Variants in TENM2 observed in about 807,000 individuals in gnomAD.
TENM2 encodes the protein teneurin-2.
Under a neutral mutation model 245.2 loss-of-function variants are expected in TENM2, and 52 were observed. The observed-to-expected ratio is 0.21, with a 90% CI of 0.17 to 0.27. The LOEUF (loss-of-function observed/expected upper bound fraction) is 0.27. Ranked by LOEUF, TENM2 falls within the 10% of genes least tolerant of loss-of-function variation. The pLI, the probability that TENM2 is intolerant of heterozygous loss-of-function variation, is 1.00. For missense variants in TENM2, 3,046 were observed against 3,666.8 expected (o/e 0.83, Z 4.37); for synonymous variants, 1,363 against 1,438.9 (o/e 0.95, Z 1.19).
the TENM2 span, among the ~76,000 whole-genome samples, chr5:167,238,839 A>G: frequency 6.6e-6 from 1 of 152,156 alleles, no homozygotes; most frequent in Non-Finnish European, 1.5e-5. Flanking sequence ...GATGTTCTTG[A>G]TCATAGATTA....
the TENM2 span, among the ~76,000 whole-genome samples, chr5:167,098,394 A>AGAC: frequency 6.6e-6 from 1 of 152,196 alleles, no homozygotes; most frequent in Non-Finnish European, 1.5e-5. Context: ...AGCAAGTCTT[A>AGAC]GACCCGTTTT....
Position 167,559,899 on chromosome 5 carries a change from G to A in TENM2, c.502+184426G>A, listed in dbSNP as rs1582388589. On this transcript the variant is annotated intron_variant, in intron 2 of 28. Coordinates refer to ENST00000518659, the Ensembl canonical transcript of TENM2. ...TGTTTAGCTGTATATGTGGGTGGTCGACAAATGCAGGCACTCCACATTTGC... is the reference window on the plus strand; with the variant it reads ...TGTTTAGCTGTATATGTGGGTGGTCAACAAATGCAGGCACTCCACATTTGC... 2.6e-5 allele frequency among the ~76,000 whole-genome samples: 4 copies of A among 152,062 alleles called. No homozygotes were observed. The South Asian group carries it at 8.3e-4, about 32-fold the overall frequency.
the TENM2 span, among the ~76,000 whole-genome samples, chr5:167,033,298 A>G: frequency 6.6e-6 from 1 of 152,234 alleles, no homozygotes; most frequent in Non-Finnish European, 1.5e-5. Context: ...CATCAATAAA[A>G]CTGAACTAAT....
intron 2 of TENM2, among the ~76,000 whole-genome samples, chr5:167,857,298 T>C (rs1401658605): frequency 6.6e-6 from 1 of 152,194 alleles, no homozygotes; most frequent in Non-Finnish European, 1.5e-5. Context: ...TAAATGTCCA[T>C]TCTGTTTTTC....
chr5:167,940,984 A>C (rs1183060233), intron 3 of TENM2, among the ~76,000 whole-genome samples: 1 of 152,214 alleles, frequency 6.6e-6, no homozygotes, highest in African/African-American at 2.4e-5. Context: ...ATTTCACGTG[A>C]GAGATGACTC....
At chr5:168,055,422 CCA>C (rs1789453912) in intron 6 of TENM2, among the ~76,000 whole-genome samples, 1 of 152,170 alleles carries the variant, frequency 6.6e-6, no homozygotes, top group Non-Finnish European at 1.5e-5. Flanking sequence ...AGCAGCTAGA[CCA>C]CACACCAACA....
chr5:167,572,454 G>C (rs372565387), intron 2 of TENM2, among the ~76,000 whole-genome samples: 2 of 152,060 alleles, frequency 1.3e-5, no homozygotes, highest in African/African-American at 4.8e-5. Flanking sequence ...ATTTACTTTC[G>C]GATATTGGAA....
intron 5 of TENM2, among the ~76,000 whole-genome samples, chr5:167,999,891 G>C (rs1252027226): frequency 6.6e-6 from 1 of 152,198 alleles, no homozygotes; most frequent in African/African-American, 2.4e-5. Flanking sequence ...ACAACCCTGT[G>C]CACCTCAAGA....
At chr5:168,176,277 G>A (rs140050256) in intron 13 of TENM2, among the ~76,000 whole-genome samples, 5 of 152,284 alleles carry the variant, frequency 3.3e-5, no homozygotes, top group Admixed American at 1.3e-4. Flanking sequence ...CCAGGTTGCC[G>A]CAGTGGCTTC....
rs1037012738 is a variant in TENM2, at chr5:167,334,110, A to G, written c.227-41088A>G. ...AGTGCTTTTATGAATTGTTTTATTT[A>G]TTGTTCCACCATACCCTGATAATGC... is the stretch of plus-strand genomic sequence containing the variant. On this transcript the variant is annotated intron_variant, in intron 1 of 28. Transcript: ENST00000518659. 2.0e-5 allele frequency among the ~76,000 whole-genome samples: 3 copies of G among 152,124 alleles called. No homozygotes were observed. In the East Asian group the frequency reaches 5.8e-4, roughly 29 times the overall value.
At chr5:167,199,733 A>T in the TENM2 span, among the ~76,000 whole-genome samples, 1 of 152,056 alleles carries the variant, frequency 6.6e-6, no homozygotes, top group African/African-American at 2.4e-5. Context: ...TCGTTTTGAC[A>T]TGTTCCCCAA....
intron 15 of TENM2, 74 bp downstream of exon 17, chr5:168,195,369 T>C (rs1194571574): frequency 6.6e-7 from 1 of 1,524,658 alleles, no homozygotes; most frequent in Admixed American, 2.0e-5. Flanking sequence ...TGCTGTTGGC[T>C]TGGAACCACA....
At chr5:167,967,777 A>G (rs997401806) in intron 4 of TENM2, among the ~76,000 whole-genome samples, 1 of 152,208 alleles carries the variant, frequency 6.6e-6, no homozygotes, top group African/African-American at 2.4e-5. Flanking sequence ...TTCACAGTTG[A>G]AAAAAGCCAA....
chr5:167,420,253 C>A (rs756072995), intron 2 of TENM2, among the ~76,000 whole-genome samples: 1 of 152,150 alleles, frequency 6.6e-6, no homozygotes, highest in Non-Finnish European at 1.5e-5. Context: ...TCTAGACTAT[C>A]TTAAAATCCA....
At chr5:167,760,037 A>T (rs1216841644) in intron 2 of TENM2, among the ~76,000 whole-genome samples, 1 of 152,230 alleles carries the variant, frequency 6.6e-6, no homozygotes, top group Non-Finnish European at 1.5e-5. Context: ...GGCTGTACTT[A>T]AGCTCTACAT....
the TENM2 span, among the ~76,000 whole-genome samples, chr5:167,242,578 G>A: frequency 6.6e-6 from 1 of 152,276 alleles, no homozygotes; most frequent in East Asian, 1.9e-4. Context: ...TACTCTATGA[G>A]AAGATGATGA....
intron 2 of TENM2, among the ~76,000 whole-genome samples, chr5:167,720,382 C>A (rs1759547414): frequency 6.6e-6 from 1 of 152,206 alleles, no homozygotes; most frequent in African/African-American, 2.4e-5. Context: ...ATAGTCCAGG[C>A]AGTGATGAAA....
Position 168,247,051 on chromosome 5 carries a change from G to A in TENM2, c.6112G>A (p.Val2038Ile), listed in dbSNP as rs374139941. The A allele has an allele frequency of 1.1e-4, 185 of 1,613,832 alleles. No homozygotes were observed. The highest frequency in any genetic ancestry group is 1.6e-4 in the Middle Eastern group (1 of 6,084). The change falls in exon 27 of 29, where the codon GTC (valine) becomes ATC (isoleucine). Residue 2038 changes from valine (V) to isoleucine (I), a missense_variant. Coordinates refer to ENST00000518659, the Ensembl canonical transcript of TENM2. This position sits in a 1 kb window ranked among gnomAD's most constrained non-coding sequence, Gnocchi z 7.8. ...AGAGATTGTCTACGACAGTACCGCC[G>A]TCACCTTCGGGTATGACGAGACCAC...
At chr5:168,141,870 G>A (rs561400736) in intron 12 of TENM2, among the ~76,000 whole-genome samples, 3 of 152,188 alleles carry the variant, frequency 2.0e-5, no homozygotes, top group Middle Eastern at 3.4e-3. Flanking sequence ...AGCGTCAGAC[G>A]GATCAGTCAT....
Sources: gnomAD v4.1 joint callset for allele counts (sites outside exome capture counted in the v4.1 genomes callset) on GRCh38, gnomAD v4.1.1 for gene constraint, Gnocchi (gnomAD v3.1) non-coding constraint, MANE v1.5 for transcripts, NCBI Gene and HGNC (gene_info 2026-07-23, HGNC 2026-07-21) for gene names.